STXBP5L: variants seen among roughly 807,000 people sequenced by gnomAD.
STXBP5L encodes the protein syntaxin-binding protein 5-like.
A neutral mutation model predicts 144.5 loss-of-function variants in STXBP5L; 65 were observed. The observed-to-expected ratio is 0.45, with a 90% CI of 0.37 to 0.55. STXBP5L has a LOEUF of 0.55. Ranked by LOEUF, STXBP5L falls within the 20% of genes least tolerant of loss-of-function variation. The probability of loss-of-function intolerance (pLI) is 0.00; values close to 1 mark genes in which losing one functional copy is unlikely to be tolerated. For synonymous variants in STXBP5L, 505 were observed against 469.6 expected, an observed-to-expected ratio of 1.08 and a Z score of -0.97; for missense variants, 1,298 against 1,405.5, an observed-to-expected ratio of 0.92 and a Z score of 1.22.
intron 3 of STXBP5L, among the ~76,000 whole-genome samples, chr3:120,977,525 T>G (rs1054912877): frequency 1.3e-5 from 2 of 152,162 alleles, no homozygotes; most frequent in East Asian, 1.9e-4. Context: ...CTTTTAATTG[T>G]AGCATTTAGT....
chr3:121,401,807 G>C (rs1389623835), intron 22 of STXBP5L, among the ~76,000 whole-genome samples: 2 of 136,808 alleles, frequency 1.5e-5, no homozygotes, highest in Non-Finnish European at 3.1e-5. Flanking sequence ...TGACACGTTA[G>C]TGGGTGCAGC....
intron 3 of STXBP5L, among the ~76,000 whole-genome samples, chr3:121,017,732 C>G (rs891711419): frequency 6.6e-6 from 1 of 152,008 alleles, no homozygotes; most frequent in African/African-American, 2.4e-5. Flanking sequence ...CATGTAAGAT[C>G]TATATAACGA....
At position 121,153,560 on chromosome 3, in the gene STXBP5L, G is replaced by T. The variant is rs555403351; in HGVS notation, c.753+1000G>T. 3.3e-5 allele frequency among the ~76,000 whole-genome samples: 5 copies of T among 151,988 alleles called. No homozygotes were observed. In the East Asian group the frequency reaches 9.7e-4, roughly 29 times the overall value. On this transcript the variant is annotated intron_variant, in intron 8 of 26. Coordinates refer to ENST00000471454, the MANE Select transcript of STXBP5L (RefSeq NM_001308330.2). ...TTTTATCATTGGAGGGATAAAAAAAGTCTCCAGATGAACCTGTAGTCACCC... is the reference window on the plus strand; with the variant it reads ...TTTTATCATTGGAGGGATAAAAAAATTCTCCAGATGAACCTGTAGTCACCC...
intron 6 of STXBP5L, among the ~76,000 whole-genome samples, chr3:121,121,155 A>C (rs556957648): frequency 6.6e-6 from 1 of 151,414 alleles, no homozygotes; most frequent in East Asian, 1.9e-4. Context: ...TTATCACTAG[A>C]GTAGATTTAT....
At chr3:121,014,252 T>C (rs1944983424) in intron 3 of STXBP5L, among the ~76,000 whole-genome samples, 1 of 152,076 alleles carries the variant, frequency 6.6e-6, no homozygotes, top group Admixed American at 6.6e-5. Context: ...ATGATATTAA[T>C]TCTTCCAATC....
intron 5 of STXBP5L, among the ~76,000 whole-genome samples, chr3:121,103,239 T>C (rs530740939): frequency 5.5e-4 from 84 of 152,182 alleles, no homozygotes; most frequent in Middle Eastern, 3.4e-3. Context: ...AAATGTCACA[T>C]GTATGTTCAT....
chr3:121,138,516 T>C (rs1179115933), intron 7 of STXBP5L, among the ~76,000 whole-genome samples: 1 of 151,990 alleles, frequency 6.6e-6, no homozygotes, highest in African/African-American at 2.4e-5. Flanking sequence ...TATACCACAA[T>C]GCTATAGTAA....
intron 7 of STXBP5L, among the ~76,000 whole-genome samples, chr3:121,122,450 A>G (rs1018049826): frequency 1.1e-4 from 16 of 151,312 alleles, no homozygotes; most frequent in Non-Finnish European, 2.1e-4. Flanking sequence ...AAATTTATTA[A>G]GAAAAGAAAA....
At chr3:121,238,462 T>C (rs372290945) in intron 12 of STXBP5L, among the ~76,000 whole-genome samples, 1 of 152,146 alleles carries the variant, frequency 6.6e-6, no homozygotes, top group Admixed American at 6.6e-5. Context: ...CACCTCTCAT[T>C]AGGCTCCACC....
intron 14 of STXBP5L, among the ~76,000 whole-genome samples, chr3:121,249,039 A>C (rs1236085227): frequency 6.6e-6 from 1 of 152,094 alleles, no homozygotes; most frequent in Non-Finnish European, 1.5e-5. Context: ...TGTTTTGGTT[A>C]CTGTAGCCTT....
intron 18 of STXBP5L, among the ~76,000 whole-genome samples, chr3:121,269,833 C>G (rs934841041): frequency 6.6e-6 from 1 of 152,150 alleles, no homozygotes; most frequent in Non-Finnish European, 1.5e-5. Context: ...ACTAAAAGGA[C>G]TGTGCAGTAC....
chr3:121,079,969 G>A (rs1025086204), intron 5 of STXBP5L, among the ~76,000 whole-genome samples: 26 of 152,234 alleles, frequency 1.7e-4, no homozygotes, highest in Admixed American at 1.7e-3. Context: ...TATTTCTTAG[G>A]TCTAGTACTA....
In STXBP5L at chr3:120,916,581, G is replaced by A. The variant is rs143975827; in HGVS notation, c.189+6814G>A. Among the ~76,000 whole-genome samples, 639 of 152,224 alleles carry A rather than the reference G, an allele frequency of 4.2e-3. 4 individuals are homozygous for A. Among genetic ancestry groups the A allele is most frequent in the Middle Eastern group, 0.014 (4 of 294 alleles). ...CTCCCAAAGTGCTGGGATTACAGCC[G>A]TGAGCCACCGCACCTGGCAAGTGTT... On this transcript the variant is annotated intron_variant, in intron 2 of 26. Coordinates refer to ENST00000471454, the MANE Select transcript of STXBP5L (RefSeq NM_001308330.2).
intron 2 of STXBP5L, among the ~76,000 whole-genome samples, chr3:120,940,999 T>C (rs1186285743): frequency 6.6e-6 from 1 of 151,718 alleles, no homozygotes; most frequent in Non-Finnish European, 1.5e-5. Flanking sequence ...TGAACTTGAT[T>C]CTCTCGTGTT....
At chr3:121,201,349 T>C (rs1450634503) in intron 9 of STXBP5L, among the ~76,000 whole-genome samples, 1 of 152,218 alleles carries the variant, frequency 6.6e-6, no homozygotes, top group Non-Finnish European at 1.5e-5. Flanking sequence ...CTACTGTTTT[T>C]TGCTTTCCAT....
chr3:121,172,737 T>G (rs991948232), intron 9 of STXBP5L, among the ~76,000 whole-genome samples: 2 of 152,162 alleles, frequency 1.3e-5, no homozygotes, highest in Admixed American at 1.3e-4. Flanking sequence ...TTGGTGGGAG[T>G]GTAAATTAGT....
chr3:121,240,379 C>T (rs567905480), intron 13 of STXBP5L, 61 bp from the exon 14 acceptor site: 2 of 1,461,934 alleles, frequency 1.4e-6, no homozygotes, highest in Non-Finnish European at 1.9e-6. Context: ...AAGCTATTTT[C>T]ATTTTAAATT....
At chr3:121,017,088 T>G (rs1252444036) in intron 3 of STXBP5L, among the ~76,000 whole-genome samples, 1 of 152,118 alleles carries the variant, frequency 6.6e-6, no homozygotes, top group Non-Finnish European at 1.5e-5. Flanking sequence ...AATTATACAC[T>G]ATGACCAAGT....
At chr3:121,108,325 T>C (rs1305993772) in intron 5 of STXBP5L, among the ~76,000 whole-genome samples, 4 of 152,188 alleles carry the variant, frequency 2.6e-5, no homozygotes, top group African/African-American at 9.6e-5. Flanking sequence ...CTTTTGCTCA[T>C]TCAGTATGAT....
Sources: allele counts gnomAD v4.1 joint callset (sites outside exome capture counted in the v4.1 genomes callset), GRCh38; gene constraint gnomAD v4.1.1; transcripts MANE v1.5; gene names NCBI Gene and HGNC (gene_info 2026-07-23, HGNC 2026-07-21).